The following ARB2A variants were observed in gnomAD, a reference collection of about 807,000 sequenced individuals.
The protein encoded by ARB2A is ARB2 cotranscriptional regulator A.
the ARB2A span, among the ~76,000 whole-genome samples, chr5:93,723,213 T>A: frequency 6.6e-6 from 1 of 152,116 alleles, no homozygotes; most frequent in Non-Finnish European, 1.5e-5. Flanking sequence ...TCTCACCAGC[T>A]AAGGCAACAG....
chr5:93,883,924 TACACAC>T, the ARB2A span, among the ~76,000 whole-genome samples: 3,016 of 133,924 alleles, frequency 0.023, 32 homozygotes, highest in Middle Eastern at 0.065. Context: ...CACATACACA[TACACAC>T]ACACACACAC....
chr5:94,088,207 ATT>A, the ARB2A span, among the ~76,000 whole-genome samples: 1 of 152,174 alleles, frequency 6.6e-6, no homozygotes, highest in African/African-American at 2.4e-5. Flanking sequence ...TCAATAACAT[ATT>A]GTTACTAAAA....
the ARB2A span, among the ~76,000 whole-genome samples, chr5:94,034,201 G>C: frequency 6.6e-5 from 10 of 152,164 alleles, no homozygotes; most frequent in Non-Finnish European, 1.2e-4. Flanking sequence ...AATGGGCTAA[G>C]ACATAGGATA....
the ARB2A span, among the ~76,000 whole-genome samples, chr5:93,895,963 C>A: frequency 3.7e-3 from 567 of 151,524 alleles, 5 homozygotes; most frequent in Middle Eastern, 0.015. Flanking sequence ...GTAGAAAAAA[C>A]ACTTATAAGT....
chr5:94,026,209 C>T, the ARB2A span, among the ~76,000 whole-genome samples: 1 of 152,074 alleles, frequency 6.6e-6, no homozygotes, highest in Non-Finnish European at 1.5e-5. Flanking sequence ...CCCTGTCAGC[C>T]CCTAGCCTCA....
the ARB2A span, among the ~76,000 whole-genome samples, chr5:93,799,855 T>G: frequency 2.0e-5 from 3 of 152,084 alleles, no homozygotes; most frequent in African/African-American, 7.2e-5. Context: ...TTTATGATGT[T>G]ATATAGAAAT....
chr5:93,985,925 T>C, the ARB2A span, among the ~76,000 whole-genome samples: 164 of 144,870 alleles, frequency 1.1e-3, no homozygotes, highest in African/African-American at 4.1e-3. Flanking sequence ...GGCCACCCAG[T>C]CTGGGAAGTG....
At chr5:93,800,619 C>T in the ARB2A span, among the ~76,000 whole-genome samples, 1 of 151,936 alleles carries the variant, frequency 6.6e-6, no homozygotes, top group Non-Finnish European at 1.5e-5. Context: ...CGTATTAAAA[C>T]AAAAATGTTA....
chr5:93,818,137 T>C, the ARB2A span, among the ~76,000 whole-genome samples: 2 of 148,866 alleles, frequency 1.3e-5, no homozygotes, highest in African/African-American at 4.9e-5. Context: ...AAAACTACAG[T>C]GAGATGCCAC....
At chr5:94,050,911 A>AT in the ARB2A span, 8 of 1,010,612 alleles carry the variant, frequency 7.9e-6, 1 homozygote, top group South Asian at 1.5e-4. Flanking sequence ...AGAATGTCTG[A>AT]TAAAAATTTA....
chr5:93,943,692 G>A, the ARB2A span, among the ~76,000 whole-genome samples: 5 of 152,242 alleles, frequency 3.3e-5, no homozygotes, highest in Non-Finnish European at 7.4e-5. Flanking sequence ...TTAGTTTGAA[G>A]ACTGGAGTTG....
At chr5:93,985,861 G>A in the ARB2A span, among the ~76,000 whole-genome samples, 3 of 152,326 alleles carry the variant, frequency 2.0e-5, no homozygotes, top group Non-Finnish European at 4.4e-5. Context: ...TGGGAAGTGA[G>A]GAGCGTCTCT....
chr5:93,791,170 A>T, the ARB2A span, among the ~76,000 whole-genome samples: 1 of 152,230 alleles, frequency 6.6e-6, no homozygotes, highest in Admixed American at 6.5e-5. Context: ...GGTTTCGATT[A>T]AATATTGTAA....
At chr5:93,699,360 T>A in the ARB2A span, among the ~76,000 whole-genome samples, 2 of 152,174 alleles carry the variant, frequency 1.3e-5, no homozygotes, top group African/African-American at 4.8e-5. Context: ...GCAAAAAAGT[T>A]TTTATCAGCA....
chr5:93,939,978 T>C, the ARB2A span, among the ~76,000 whole-genome samples: 5 of 151,964 alleles, frequency 3.3e-5, no homozygotes, highest in Non-Finnish European at 7.4e-5. Context: ...ACTCAGAGTG[T>C]ATACCTAACA....
the ARB2A span, among the ~76,000 whole-genome samples, chr5:93,937,364 A>T: frequency 6.6e-6 from 1 of 151,152 alleles, no homozygotes; most frequent in Non-Finnish European, 1.5e-5. Context: ...GCACTTTGGG[A>T]GGCCAAGGTG....
At chr5:94,053,072 T>TATAGATAGATAG in the ARB2A span, 3,223 of 638,550 alleles carry the variant, frequency 5.0e-3, 14 homozygotes, top group East Asian at 9.2e-3. Flanking sequence ...TTGCATATAC[T>TATAGATAGATAG]ATAGATAGAT....
At chr5:93,981,596 C>G in the ARB2A span, among the ~76,000 whole-genome samples, 8 of 151,776 alleles carry the variant, frequency 5.3e-5, no homozygotes, top group Admixed American at 5.2e-4. Context: ...CCAATTCTTT[C>G]TGGAGATTTC....
the ARB2A span, among the ~76,000 whole-genome samples, chr5:94,031,851 A>C: frequency 6.6e-6 from 1 of 152,194 alleles, no homozygotes; most frequent in South Asian, 2.1e-4. Context: ...GCTGCTCCAA[A>C]AAGTACAAGC....
Sources: gnomAD v4.1 joint callset for allele counts (sites outside exome capture counted in the v4.1 genomes callset) on GRCh38, gnomAD v4.1.1 for gene constraint, MANE v1.5 for transcripts, NCBI Gene and HGNC (gene_info 2026-07-23, HGNC 2026-07-21) for gene names.